Variants in CLASP1 observed in about 807,000 individuals in gnomAD.
The protein encoded by CLASP1 is CLIP-associating protein 1.
CLASP1 carries 38 observed loss-of-function variants against 192.3 expected under a neutral mutation model. The observed-to-expected ratio is 0.20, with a 90% CI of 0.15 to 0.26. The LOEUF (loss-of-function observed/expected upper bound fraction) is 0.26. Among genes scored for constraint, CLASP1 ranks in the 10% least tolerant of loss-of-function variants. The pLI is 1.00. For missense variants in CLASP1, 1,433 were observed against 1,932.5 expected (o/e 0.74, Z 4.85); for synonymous variants, 691 against 712.8 (o/e 0.97, Z 0.49).
intron 2 of CLASP1, among the ~76,000 whole-genome samples, chr2:121,589,689 T>C (rs1349600982): frequency 6.6e-5 from 10 of 152,256 alleles, no homozygotes; most frequent in African/African-American, 2.4e-4. Flanking sequence ...TCTTCCAGTT[T>C]AGCCCAGTTA....
At chr2:121,497,711 TTTTC>T (rs376973004) in intron 8 of CLASP1, among the ~76,000 whole-genome samples, 123 of 151,928 alleles carry the variant, frequency 8.1e-4, no homozygotes, top group African/African-American at 2.5e-3. Context: ...CAGACCCAGC[TTTTC>T]TTTCTTTCTT....
chr2:121,495,261 T>C (rs554184379), intron 8 of CLASP1, among the ~76,000 whole-genome samples: 3 of 145,870 alleles, frequency 2.1e-5, no homozygotes, highest in Admixed American at 1.4e-4. Context: ...AGGCAGAGAT[T>C]GCAGTGAGCC....
At chr2:121,499,904 T>C (rs954248659) in intron 8 of CLASP1, among the ~76,000 whole-genome samples, 2 of 152,020 alleles carry the variant, frequency 1.3e-5, no homozygotes, top group Admixed American at 6.6e-5. Flanking sequence ...GCTAATACCA[T>C]ACTTAGCACC....
chr2:121,521,486 C>G (rs2094454732), intron 6 of CLASP1, among the ~76,000 whole-genome samples: 1 of 152,144 alleles, frequency 6.6e-6, no homozygotes. Flanking sequence ...GACTCCGGCT[C>G]CGAGCTACTG....
At position 121,526,023 on chromosome 2, in the gene CLASP1, C is replaced by T. The variant is rs1227206421; in HGVS notation, c.471-103G>A. ...CTTCCCGTGTCTCCCCAATCCCCAT[C>T]ACCACCTCATACCAAGTCTCTCTCC... On this transcript the variant is annotated intron_variant, in intron 5 of 39. Transcript: ENST00000263710. 1.2e-5 allele frequency: 9 copies of T among 761,262 alleles called. No individual in the cohort carries two copies. In the African/African-American group the frequency reaches 1.5e-4, roughly 13 times the overall value. 47.2% of individuals were successfully genotyped at this position (761,262 alleles called of 1,614,324 possible). A position where few individuals can be genotyped will look rare whatever the true frequency, so the allele number is the denominator to read the frequency against.
chr2:121,377,881 T>C (rs1416632262), intron 33 of CLASP1, among the ~76,000 whole-genome samples: 4 of 151,992 alleles, frequency 2.6e-5, no homozygotes, highest in Non-Finnish European at 4.4e-5. Flanking sequence ...TAAAAACCAG[T>C]GGGAAACAAC....
At chr2:121,397,447 A>G (rs985828583) in intron 29 of CLASP1, among the ~76,000 whole-genome samples, 164 bp from the exon 31 acceptor site, 7 of 152,208 alleles carry the variant, frequency 4.6e-5, no homozygotes, top group Non-Finnish European at 1.0e-4. Flanking sequence ...AGGAAAAAGC[A>G]TGAAATGGCT....
chr2:121,421,968 T>C (rs888352134), intron 22 of CLASP1, among the ~76,000 whole-genome samples: 9 of 152,220 alleles, frequency 5.9e-5, no homozygotes, highest in Admixed American at 5.2e-4. Flanking sequence ...TGTGAAAATA[T>C]GTTACAGAAG....
chr2:121,401,597 C>T lies in CLASP1; in HGVS notation c.2812G>A (p.Val938Ile). ...TTCTTAAGTAATTGTGTGAGAAGAA[C>T]AAAAAGCCAGTCTTGTAAATCATCC... The change falls in exon 28 of 40, where the codon GTT becomes ATT. Residue 938 changes from valine to isoleucine, a missense_variant. Coordinates refer to ENST00000263710, the Ensembl canonical transcript of CLASP1. 3 of 1,612,634 alleles carry T rather than the reference C, an allele frequency of 1.9e-6. No individual in the cohort carries two copies. The South Asian group carries it at 3.3e-5, about 18-fold the overall frequency.
chr2:121,363,246 G>A (rs1325172009), exon 37 of CLASP1: 18 of 1,613,874 alleles, frequency 1.1e-5, no homozygotes, highest in Non-Finnish European at 1.4e-5. Flanking sequence ...AATCTTGCTG[G>A]TTGATTTCTC....
intron 1 of CLASP1, among the ~76,000 whole-genome samples, chr2:121,635,106 C>A (rs370460140): frequency 6.6e-6 from 1 of 151,704 alleles, no homozygotes; most frequent in East Asian, 1.9e-4. Flanking sequence ...CTTTAGGAGG[C>A]TGAAGAGGGA....
chr2:121,584,247 C>A (rs1260678236), intron 2 of CLASP1, among the ~76,000 whole-genome samples: 1 of 152,156 alleles, frequency 6.6e-6, no homozygotes, highest in Non-Finnish European at 1.5e-5. Flanking sequence ...CTGCACCTGG[C>A]CAAATTTTTA....
intron 37 of CLASP1, among the ~76,000 whole-genome samples, chr2:121,361,377 G>C (rs1388816642): frequency 1.3e-5 from 2 of 152,160 alleles, no homozygotes. Context: ...TTTTGATCAC[G>C]TATTCTCATT....
intron 2 of CLASP1, among the ~76,000 whole-genome samples, chr2:121,579,367 A>C (rs2060891164): frequency 6.6e-6 from 1 of 152,194 alleles, no homozygotes. Flanking sequence ...CATCCTTTTA[A>C]AGTGTACAAC....
At chr2:121,464,369 G>A (rs2088964608) in intron 9 of CLASP1, among the ~76,000 whole-genome samples, 1 of 152,072 alleles carries the variant, frequency 6.6e-6, no homozygotes, top group Non-Finnish European at 1.5e-5. Flanking sequence ...CCAGTAATGG[G>A]ATGGCTGGGT....
chr2:121,582,922 A>G (rs2061363478), intron 2 of CLASP1, among the ~76,000 whole-genome samples: 2 of 151,764 alleles, frequency 1.3e-5, no homozygotes, highest in African/African-American at 4.8e-5. Context: ...AGCAGCTGGG[A>G]CTACAGGTGC....
At chr2:121,508,184 G>A (rs116624535) in intron 7 of CLASP1, among the ~76,000 whole-genome samples, 1 of 152,206 alleles carries the variant, frequency 6.6e-6, no homozygotes, top group Non-Finnish European at 1.5e-5. Flanking sequence ...AGAACTATAT[G>A]CACTGGTGGG....
At chr2:121,407,396 A>T in intron 25 of CLASP1, 75 bp downstream of exon 26, 1 of 1,520,728 alleles carries the variant, frequency 6.6e-7, no homozygotes, top group Non-Finnish European at 9.0e-7. Context: ...CATTAATTAT[A>T]GGAAATCCCT....
chr2:121,402,254 G>A (rs1328867200), intron 26 of CLASP1, among the ~76,000 whole-genome samples: 3 of 152,186 alleles, frequency 2.0e-5, no homozygotes, highest in Non-Finnish European at 4.4e-5. Context: ...ATATCATAAA[G>A]TAATAGATTA....
Sources: allele counts gnomAD v4.1 joint callset (sites outside exome capture counted in the v4.1 genomes callset), GRCh38; gene constraint gnomAD v4.1.1; transcripts MANE v1.5; gene names NCBI Gene and HGNC (gene_info 2026-07-23, HGNC 2026-07-21).